The following RAP1GAP2 variants were observed in gnomAD, a reference collection of about 807,000 sequenced individuals.
The protein encoded by RAP1GAP2 is RAP1 GTPase activating protein 2.
RAP1GAP2 carries 27 observed loss-of-function variants against 95.0 expected under a neutral mutation model. That is an observed-to-expected ratio of 0.28 (90% CI 0.21 to 0.39). The LOEUF (loss-of-function observed/expected upper bound fraction) is 0.39, where lower values mean the gene tolerates loss of function less well. Among genes scored for constraint, RAP1GAP2 ranks in the 10% least tolerant of loss-of-function variants. The probability of loss-of-function intolerance (pLI) is 1.00; values close to 1 mark genes in which losing one functional copy is unlikely to be tolerated. For missense variants in RAP1GAP2, 771 were observed against 970.0 expected (o/e 0.79, Z 2.72); for synonymous variants, 373 against 380.9 (o/e 0.98, Z 0.24).
intron 2 of RAP1GAP2, among the ~76,000 whole-genome samples, chr17:2,832,315 T>G (rs903847225): frequency 6.6e-6 from 1 of 151,768 alleles, no homozygotes; most frequent in Admixed American, 6.6e-5. Flanking sequence ...TCCCAGCACT[T>G]TGGGAGGCCA....
intron 2 of RAP1GAP2, among the ~76,000 whole-genome samples, chr17:2,826,458 C>T (rs1444293511): frequency 6.6e-6 from 1 of 152,026 alleles, no homozygotes; most frequent in Admixed American, 6.6e-5. Context: ...CTCGGGGAGG[C>T]TCTGAGTGTG....
At chr17:2,899,575 A>G (rs1239045828) in intron 2 of RAP1GAP2, among the ~76,000 whole-genome samples, 1 of 151,308 alleles carries the variant, frequency 6.6e-6, no homozygotes, top group East Asian at 2.0e-4. Flanking sequence ...CAGTGGCACA[A>G]TCTTGGCTCA....
upstream of RAP1GAP2, among the ~76,000 whole-genome samples, chr17:2,794,030 T>G (rs1597319195): frequency 7.6e-6 from 1 of 131,920 alleles, no homozygotes; most frequent in African/African-American, 2.9e-5. Context: ...ACCAGGGAGG[T>G]GGAGGTTGCA....
intron 3 of RAP1GAP2, among the ~76,000 whole-genome samples, chr17:2,944,328 A>G (rs2043628833): frequency 6.6e-6 from 1 of 152,186 alleles, no homozygotes; most frequent in Non-Finnish European, 1.5e-5. Flanking sequence ...TTAAAAAGAG[A>G]ACTACCAACT....
At chr17:2,922,887 C>G (rs2042834377) in intron 3 of RAP1GAP2, among the ~76,000 whole-genome samples, 1 of 138,920 alleles carries the variant, frequency 7.2e-6, no homozygotes, top group Middle Eastern at 4.4e-3. Flanking sequence ...GGTTGGAGTG[C>G]AATGGTGCGA....
At chr17:2,846,840 A>G (rs2071608931) in intron 2 of RAP1GAP2, among the ~76,000 whole-genome samples, 1 of 152,142 alleles carries the variant, frequency 6.6e-6, no homozygotes, top group South Asian at 2.1e-4. Flanking sequence ...GTGTCTTTGC[A>G]CCACAGCTGT....
chr17:2,962,375 G>A, intron 4 of RAP1GAP2: 1 of 417,210 alleles, frequency 2.4e-6, no homozygotes, highest in Non-Finnish European at 4.3e-6. Context: ...AGAACATTGA[G>A]TCACAGAGAG....
At chr17:2,915,966 C>T (rs2042554691) in intron 3 of RAP1GAP2, among the ~76,000 whole-genome samples, 1 of 152,176 alleles carries the variant, frequency 6.6e-6, no homozygotes, top group Non-Finnish European at 1.5e-5. Context: ...TCCCAAAGTG[C>T]TGGGATTACA....
chr17:2,910,638 A>G (rs1036367207), intron 3 of RAP1GAP2, among the ~76,000 whole-genome samples: 2 of 152,210 alleles, frequency 1.3e-5, no homozygotes, highest in African/African-American at 4.8e-5. Context: ...TTTCCTTTAT[A>G]GGTAAACCAG....
rs1555555938 is a variant in RAP1GAP2, at chr17:2,866,120, G to C, written c.81-39164G>C. On this transcript the variant is annotated intron_variant, in intron 2 of 24. Transcript: ENST00000254695. This position sits in a 1 kb window ranked among gnomAD's most constrained non-coding sequence, Gnocchi z 4.0. ...CGCCCAAGGAAGGCTGCCTGGAGTT[G>C]GTGGCATTTGAAGTGGGCCTCGGGG... Among the ~76,000 whole-genome samples the C allele has an allele frequency of 6.6e-6, 1 of 152,246 alleles. No homozygotes were observed. Among genetic ancestry groups the C allele is most frequent in the Non-Finnish European group, 1.5e-5 (1 of 68,050 alleles).
intron 3 of RAP1GAP2, among the ~76,000 whole-genome samples, chr17:2,945,408 G>A (rs1235455051): frequency 6.6e-6 from 1 of 152,078 alleles, no homozygotes; most frequent in Non-Finnish European, 1.5e-5. Flanking sequence ...AGGTTTTTTT[G>A]TGTTGGAACG....
At chr17:2,793,384 C>T (rs900243968), upstream of RAP1GAP2, among the ~76,000 whole-genome samples, 2 of 152,176 alleles carry the variant, frequency 1.3e-5, no homozygotes, top group East Asian at 3.9e-4. Context: ...GAACTCCTGA[C>T]CTCAGGTGAT....
chr17:3,018,283 G>T (rs1350833357), intron 18 of RAP1GAP2, 85 bp downstream of exon 18: 1 of 1,472,692 alleles, frequency 6.8e-7, no homozygotes, highest in Non-Finnish European at 9.0e-7. Flanking sequence ...CCCCACCCAG[G>T]CTTGGGCAGG....
chr17:2,824,351 G>A (rs1217067190), intron 2 of RAP1GAP2, among the ~76,000 whole-genome samples: 2 of 151,438 alleles, frequency 1.3e-5, no homozygotes, highest in East Asian at 3.9e-4. Context: ...GGAGGTTGAG[G>A]CAGGAGAATC....
chr17:2,922,826 G>GTTTTTTTTTTT lies in RAP1GAP2; in HGVS notation c.165+17463_165+17464insTTTTTTTTTTT, dbSNP rs138075669. Among the ~76,000 whole-genome samples, 9 of 93,726 alleles carry GTTTTTTTTTTT rather than the reference G, an allele frequency of 9.6e-5. 2 individuals carry two copies. The highest frequency in any genetic ancestry group is 3.3e-4 in the Admixed American group (3 of 8,992). 61.5% of individuals were successfully genotyped at this position (93,726 alleles called of 152,430 possible). On this transcript the variant is annotated intron_variant, in intron 3 of 24. Transcript: ENST00000254695. Reference sequence around the variant, plus strand: ...AAAAAGTGCCCAGTATTTTCTTTTTGTTTTTGTTTTTTTTTTTTTTTTTGA... The same window carrying GTTTTTTTTTTT: ...AAAAAGTGCCCAGTATTTTCTTTTTGTTTTTTTTTTTTTTTTGTTTTTTTTTTTTTTTTTGA...
chr17:3,013,520 C>G (rs2046637209), intron 17 of RAP1GAP2, among the ~76,000 whole-genome samples: 2 of 152,152 alleles, frequency 1.3e-5, no homozygotes, highest in African/African-American at 2.4e-5. Flanking sequence ...ACTTACCCAG[C>G]CTGCCGCCTC....
intron 3 of RAP1GAP2, among the ~76,000 whole-genome samples, chr17:2,953,816 C>A (rs532033534): frequency 6.6e-6 from 1 of 152,154 alleles, no homozygotes; most frequent in Non-Finnish European, 1.5e-5. Context: ...CATTGCACTC[C>A]AGCCTGGGTG....
intron 2 of RAP1GAP2, among the ~76,000 whole-genome samples, chr17:2,884,561 A>G (rs926492255): frequency 2.6e-5 from 4 of 151,856 alleles, no homozygotes; most frequent in Admixed American, 6.6e-5. Context: ...TTAGTGGAAA[A>G]GGGGGTTTCA....
At chr17:2,768,482 A>G (rs2068318547) in intron 1 of RAP1GAP2, among the ~76,000 whole-genome samples, 1 of 152,140 alleles carries the variant, frequency 6.6e-6, no homozygotes, top group South Asian at 2.1e-4. Context: ...ACCTGAGGTC[A>G]GCAGTTCCAG....
Sources: gnomAD v4.1 joint callset for allele counts (sites outside exome capture counted in the v4.1 genomes callset) on GRCh38, gnomAD v4.1.1 for gene constraint, Gnocchi (gnomAD v3.1) non-coding constraint, MANE v1.5 for transcripts, NCBI Gene and HGNC (gene_info 2026-07-23, HGNC 2026-07-21) for gene names.